The following STK32B variants were observed in gnomAD, a reference collection of about 807,000 sequenced individuals.
STK32B encodes serine/threonine-protein kinase 32B.
STK32B carries 43 observed loss-of-function variants against 52.6 expected under a neutral mutation model. The observed-to-expected ratio is 0.82, with a 90% CI of 0.64 to 1.05. The LOEUF (loss-of-function observed/expected upper bound fraction) is 1.05. STK32B is among the 50% of genes least tolerant of loss of function. The probability of loss-of-function intolerance (pLI) is 0.00; values close to 1 mark genes in which losing one functional copy is unlikely to be tolerated. For missense variants in STK32B, 621 were observed against 534.6 expected, an observed-to-expected ratio of 1.16 and a Z score of -1.59; for synonymous variants, 238 against 204.3, an observed-to-expected ratio of 1.17 and a Z score of -1.41.
intron 4 of STK32B, among the ~76,000 whole-genome samples, chr4:5,384,418 G>A (rs962853343): frequency 6.6e-6 from 1 of 152,102 alleles, no homozygotes; most frequent in Non-Finnish European, 1.5e-5. Flanking sequence ...GGTGCTGGAG[G>A]TTTGAAAAGA....
chr4:5,445,700 A>G (rs112094538), intron 6 of STK32B, among the ~76,000 whole-genome samples: 3,355 of 152,298 alleles, frequency 0.022, 54 homozygotes, highest in Non-Finnish European at 0.035. Flanking sequence ...TTTAAAGTGA[A>G]CAATTCAGTA....
At position 5,469,581 on chromosome 4, in the gene STK32B, G is replaced by A. The variant is rs1717699620; in HGVS notation, c.1106+1511G>A. On this transcript the variant is annotated intron_variant, in intron 11 of 11. Coordinates refer to ENST00000282908, the MANE Select transcript of STK32B (RefSeq NM_018401.3). The surrounding 1 kb of genome is among the most constrained non-coding windows in gnomAD (Gnocchi z 4.7). ...GCCATGGGCCAGTGGGCAGGACAGG[G>A]CCCCAGTCCCAGTCGATGCTGGGGA... Among the ~76,000 whole-genome samples the A allele has an allele frequency of 6.6e-6, 1 of 152,342 alleles. No homozygotes were observed. The highest frequency in any genetic ancestry group is 6.5e-5 in the Admixed American group (1 of 15,306).
intron 3 of STK32B, among the ~76,000 whole-genome samples, chr4:5,234,069 C>T (rs541572288): frequency 6.6e-6 from 1 of 152,140 alleles, no homozygotes; most frequent in South Asian, 2.1e-4. Flanking sequence ...CTCATGTGAT[C>T]TGATGAGGTT....
At chr4:5,459,050 A>G (rs889936555) in intron 8 of STK32B, among the ~76,000 whole-genome samples, 2 of 152,220 alleles carry the variant, frequency 1.3e-5, no homozygotes, top group African/African-American at 4.8e-5. Context: ...TGCCCTGAAC[A>G]GTGAACTTCC....
At chr4:5,178,728 C>G in intron 3 of STK32B, among the ~76,000 whole-genome samples, 1 of 152,238 alleles carries the variant, frequency 6.6e-6, no homozygotes, top group East Asian at 1.9e-4. Flanking sequence ...AGTCTCTTTG[C>G]TAAAGCATAG....
intron 3 of STK32B, among the ~76,000 whole-genome samples, chr4:5,255,729 C>G (rs992656875): frequency 2.6e-5 from 4 of 152,176 alleles, no homozygotes; most frequent in African/African-American, 9.7e-5. Context: ...CTTTGAGATT[C>G]ATAATGTCAT....
intron 5 of STK32B, among the ~76,000 whole-genome samples, chr4:5,406,293 G>A (rs968706024): frequency 1.6e-4 from 25 of 152,262 alleles, no homozygotes; most frequent in Middle Eastern, 6.8e-3. Flanking sequence ...CAGCCCCCTC[G>A]GCTGCCTTCA....
chr4:5,199,841 C>T (rs890734894), intron 3 of STK32B, among the ~76,000 whole-genome samples: 2 of 152,022 alleles, frequency 1.3e-5, no homozygotes, highest in African/African-American at 4.8e-5. Flanking sequence ...CCCACTCCCA[C>T]CTGAGGAATG....
At chr4:5,328,054 T>C (rs906333848) in intron 3 of STK32B, among the ~76,000 whole-genome samples, 2 of 152,200 alleles carry the variant, frequency 1.3e-5, no homozygotes, top group African/African-American at 4.8e-5. Context: ...CAACCTTTGC[T>C]AGCTTCCAGC....
intron 1 of STK32B, among the ~76,000 whole-genome samples, chr4:5,110,670 T>G (rs1230797004): frequency 6.6e-6 from 1 of 151,862 alleles, no homozygotes; most frequent in African/African-American, 2.4e-5. Flanking sequence ...GAAGAAAACC[T>G]AGGGAAATGC....
intron 3 of STK32B, among the ~76,000 whole-genome samples, chr4:5,234,101 C>T (rs908915134): frequency 3.9e-5 from 6 of 152,052 alleles, no homozygotes; most frequent in African/African-American, 1.4e-4. Context: ...GGACTATCAT[C>T]CAGGTTCTTG....
intron 3 of STK32B, among the ~76,000 whole-genome samples, chr4:5,250,526 T>A (rs746862576): frequency 3.3e-5 from 5 of 152,238 alleles, no homozygotes; most frequent in African/African-American, 4.8e-5. Context: ...TTGGCCAGGC[T>A]GGTTTCAAAC....
At chr4:5,219,254 G>A (rs557095187) in intron 3 of STK32B, among the ~76,000 whole-genome samples, 2 of 152,242 alleles carry the variant, frequency 1.3e-5, no homozygotes, top group East Asian at 3.9e-4. Context: ...GCCTCTGGAG[G>A]CCCTGGGTGG....
intron 3 of STK32B, among the ~76,000 whole-genome samples, chr4:5,319,684 A>G (rs1379687592): frequency 1.3e-5 from 2 of 152,148 alleles, no homozygotes; most frequent in East Asian, 1.9e-4. Context: ...GGTTCTATCA[A>G]CCAGGGCTCA....
chr4:5,168,474 T>TCCTGTGGGTTCC, intron 3 of STK32B, 24 bp downstream of exon 3: 1 of 1,598,258 alleles, frequency 6.3e-7, no homozygotes, highest in Non-Finnish European at 8.5e-7. Flanking sequence ...CATCCAGGGC[T>TCCTGTGGGTTCC]CCTGTGGGTT....
intron 1 of STK32B, among the ~76,000 whole-genome samples, chr4:5,054,972 T>A (rs1008647199): frequency 6.6e-6 from 1 of 152,216 alleles, no homozygotes; most frequent in Non-Finnish European, 1.5e-5. Context: ...TTGCTTTTTT[T>A]CCAAGTGTTG....
chr4:5,033,477 G>A, the STK32B span, among the ~76,000 whole-genome samples: 47 of 152,340 alleles, frequency 3.1e-4, no homozygotes, highest in African/African-American at 1.1e-3. Context: ...GAACAACTTA[G>A]ACCTTGGACA....
At chr4:5,054,486 G>T (rs1414098074) in intron 1 of STK32B, among the ~76,000 whole-genome samples, 2 of 142,760 alleles carry the variant, frequency 1.4e-5, no homozygotes. Flanking sequence ...TGCAAAGGCA[G>T]ATGGTAAAGA....
chr4:5,448,297 GC>G (rs1715656538), intron 7 of STK32B, among the ~76,000 whole-genome samples: 1 of 152,230 alleles, frequency 6.6e-6, no homozygotes, highest in Non-Finnish European at 1.5e-5. Flanking sequence ...CTGCTGCGGG[GC>G]TGCATAAGAC....
Sources: gnomAD v4.1 joint callset for allele counts (sites outside exome capture counted in the v4.1 genomes callset) on GRCh38, gnomAD v4.1.1 for gene constraint, Gnocchi (gnomAD v3.1) non-coding constraint, MANE v1.5 for transcripts, NCBI Gene and HGNC (gene_info 2026-07-23, HGNC 2026-07-21) for gene names.